Variants in CSMD1 observed in about 807,000 individuals in gnomAD.
CSMD1 encodes the protein CUB and sushi domain-containing protein 1.
CSMD1 carries 213 observed loss-of-function variants against 417.5 expected under a neutral mutation model. The ratio of observed to expected loss-of-function variants is 0.51; its 90% CI spans 0.46 to 0.57. The LOEUF is 0.57. CSMD1 is among the 20% of genes least tolerant of loss of function. The pLI, the probability that CSMD1 is intolerant of heterozygous loss-of-function variation, is 0.00. For synonymous variants in CSMD1, 2,862 were observed against 1,736.8 expected, an observed-to-expected ratio of 1.65 and a Z score of -16.11; for missense variants, 6,923 against 4,529.7, an observed-to-expected ratio of 1.53 and a Z score of -15.17.
At chr8:4,769,945 C>G (rs553600692) in intron 1 of CSMD1, among the ~76,000 whole-genome samples, 1 of 152,126 alleles carries the variant, frequency 6.6e-6, no homozygotes, top group South Asian at 2.1e-4. Context: ...AGAACAATAA[C>G]AAGTTATTTA....
chr8:4,306,136 G>A (rs866057093), intron 3 of CSMD1, among the ~76,000 whole-genome samples: 5 of 152,204 alleles, frequency 3.3e-5, no homozygotes, highest in East Asian at 3.8e-4. Context: ...AATAGTCTGT[G>A]TAGATTTTTA....
chr8:4,927,618 G>A (rs922980544), intron 1 of CSMD1, among the ~76,000 whole-genome samples: 9 of 152,170 alleles, frequency 5.9e-5, no homozygotes, highest in African/African-American at 2.2e-4. Context: ...CTAAACTGAC[G>A]AAAGACAACA....
chr8:3,954,677 T>C (rs1443536692), intron 5 of CSMD1, among the ~76,000 whole-genome samples: 2 of 152,196 alleles, frequency 1.3e-5, no homozygotes, highest in East Asian at 1.9e-4. Flanking sequence ...CCAGGACTTG[T>C]ATAGACTCCC....
At chr8:3,783,003 G>A (rs937039664) in intron 5 of CSMD1, among the ~76,000 whole-genome samples, 8 of 152,234 alleles carry the variant, frequency 5.3e-5, no homozygotes, top group Admixed American at 3.3e-4. Flanking sequence ...TAAGCACAAC[G>A]TCCTATAGCA....
At chr8:4,687,705 G>A (rs1192049922) in intron 1 of CSMD1, among the ~76,000 whole-genome samples, 6 of 152,148 alleles carry the variant, frequency 3.9e-5, no homozygotes, top group Non-Finnish European at 5.9e-5. Flanking sequence ...TAGCTAAACA[G>A]AAAGAGTCAC....
At chr8:3,257,776 G>C (rs951807265) in intron 26 of CSMD1, among the ~76,000 whole-genome samples, 2 of 152,168 alleles carry the variant, frequency 1.3e-5, no homozygotes, top group Non-Finnish European at 1.5e-5. Flanking sequence ...TGGATGATGA[G>C]GCTTCCAAGG....
At chr8:3,481,130 G>C (rs563338765) in intron 11 of CSMD1, among the ~76,000 whole-genome samples, 1 of 142,908 alleles carries the variant, frequency 7.0e-6, no homozygotes. Flanking sequence ...ACTCCAGCCT[G>C]GGCAACAGAG....
At chr8:4,185,754 G>C (rs79348842) in intron 3 of CSMD1, among the ~76,000 whole-genome samples, 4,597 of 152,262 alleles carry the variant, frequency 0.03, 99 homozygotes, top group Non-Finnish European at 0.044. Flanking sequence ...CTATCATTTT[G>C]AGATAAAATA....
intron 2 of CSMD1, among the ~76,000 whole-genome samples, chr8:4,545,073 T>C (rs1432586777): frequency 6.6e-6 from 1 of 152,250 alleles, no homozygotes; most frequent in Admixed American, 6.5e-5. Flanking sequence ...CACATATGTG[T>C]GTATGATGTA....
intron 7 of CSMD1, among the ~76,000 whole-genome samples, chr8:3,673,007 C>G (rs753151852): frequency 6.6e-6 from 1 of 152,172 alleles, no homozygotes; most frequent in South Asian, 2.1e-4. Context: ...ACATACCATG[C>G]TTTCCTTGTT....
At chr8:3,517,217 T>G (rs941045463) in intron 10 of CSMD1, among the ~76,000 whole-genome samples, 4 of 152,124 alleles carry the variant, frequency 2.6e-5, no homozygotes, top group Non-Finnish European at 4.4e-5. Flanking sequence ...GAATTGCCAG[T>G]AGAATTAATA....
chr8:3,489,961 A>G (rs1465955708), intron 11 of CSMD1, among the ~76,000 whole-genome samples: 3 of 152,220 alleles, frequency 2.0e-5, no homozygotes, highest in Non-Finnish European at 4.4e-5. Context: ...TATACTGACT[A>G]GTATTTAAAC....
chr8:4,107,593 G>A (rs186694525), intron 3 of CSMD1, among the ~76,000 whole-genome samples: 1 of 152,310 alleles, frequency 6.6e-6, no homozygotes, highest in East Asian at 1.9e-4. Context: ...AGCGCTTTGT[G>A]AATAGCTGGG....
chr8:3,717,424 T>C (rs77078802), intron 6 of CSMD1, among the ~76,000 whole-genome samples: 3,549 of 130,628 alleles, frequency 0.027, 142 homozygotes, highest in African/African-American at 0.085. Context: ...TTCCATGAAA[T>C]GCTTTTTTTA....
At chr8:3,881,872 A>G (rs767279517) in intron 5 of CSMD1, among the ~76,000 whole-genome samples, 4 of 152,136 alleles carry the variant, frequency 2.6e-5, no homozygotes, top group African/African-American at 4.8e-5. Flanking sequence ...TGACTTCTCC[A>G]TAAATGGGGC....
chr8:4,519,182 C>G (rs532942787), intron 2 of CSMD1, among the ~76,000 whole-genome samples: 2 of 152,160 alleles, frequency 1.3e-5, no homozygotes, highest in East Asian at 3.9e-4. Context: ...AGTCAGGATT[C>G]CCTAATAAAT....
intron 49 of CSMD1, among the ~76,000 whole-genome samples, chr8:3,069,050 A>G (rs1441137229): frequency 6.6e-6 from 1 of 152,152 alleles, no homozygotes; most frequent in Non-Finnish European, 1.5e-5. Flanking sequence ...ATGAACTTGG[A>G]AAATCAAAAA....
chr8:3,030,278 G>A (rs979941602), intron 50 of CSMD1, among the ~76,000 whole-genome samples: 7 of 151,860 alleles, frequency 4.6e-5, no homozygotes, highest in African/African-American at 1.7e-4. Flanking sequence ...TTTGAAAAGT[G>A]CAAGATGATT....
chr8:4,474,179 T>A (rs900233077), intron 2 of CSMD1, among the ~76,000 whole-genome samples: 6 of 152,142 alleles, frequency 3.9e-5, no homozygotes, highest in Non-Finnish European at 8.8e-5. Context: ...GAAATAATCT[T>A]CGTAAGTGAA....
Sources: gnomAD v4.1 joint callset for allele counts (sites outside exome capture counted in the v4.1 genomes callset) on GRCh38, gnomAD v4.1.1 for gene constraint, MANE v1.5 for transcripts, NCBI Gene and HGNC (gene_info 2026-07-23, HGNC 2026-07-21) for gene names.